Variants in CSMD3 observed in about 807,000 individuals in gnomAD.
CSMD3 encodes CUB and Sushi multiple domains 3.
A neutral mutation model predicts 435.2 loss-of-function variants in CSMD3; 177 were observed. The ratio of observed to expected loss-of-function variants is 0.41; its 90% CI spans 0.36 to 0.46. The LOEUF is 0.46. CSMD3 is among the 20% of genes least tolerant of loss of function. The probability of loss-of-function intolerance (pLI) is 0.34; values close to 1 mark genes in which losing one functional copy is unlikely to be tolerated. For missense variants in CSMD3, 4,265 were observed against 4,504.6 expected (o/e 0.95, Z 1.52); for synonymous variants, 1,656 against 1,520.5 (o/e 1.09, Z -2.07).
Position 113,104,268 on chromosome 8 carries a change from A to G in CSMD3, c.710-5305T>C, listed in dbSNP as rs1299768657. 2.0e-5 allele frequency among the ~76,000 whole-genome samples: 3 copies of G among 152,088 alleles called. No homozygotes were observed. In the East Asian group the frequency reaches 5.8e-4, roughly 29 times the overall value. ...AGCATTCAATTCAATTTCAAATTTT[A>G]TCATGGAACATTTTTTCTACAATTC... On this transcript the variant is annotated intron_variant, in intron 4 of 70. Transcript: ENST00000297405.
At chr8:113,428,256 CT>C (rs33921458) in intron 1 of CSMD3, among the ~76,000 whole-genome samples, 256 of 146,142 alleles carry the variant, frequency 1.8e-3, no homozygotes, top group African/African-American at 6.4e-3. Flanking sequence ...ATCTATCTAT[CT>C]ATCTTTCTGT....
chr8:113,247,726 G>T (rs998202048), intron 3 of CSMD3, among the ~76,000 whole-genome samples: 10 of 152,036 alleles, frequency 6.6e-5, no homozygotes, highest in African/African-American at 2.2e-4. Flanking sequence ...CCAGTTTAAA[G>T]ACAGATTCTT....
At chr8:112,880,482 G>A (rs1013305171) in intron 10 of CSMD3, among the ~76,000 whole-genome samples, 3 of 152,120 alleles carry the variant, frequency 2.0e-5, no homozygotes. Context: ...CATCCTGGTG[G>A]TGATGTCAGA....
intron 9 of CSMD3, among the ~76,000 whole-genome samples, chr8:112,934,251 C>G (rs1415740744): frequency 6.6e-6 from 1 of 152,134 alleles, no homozygotes; most frequent in East Asian, 1.9e-4. Context: ...GTTCCTGCAA[C>G]AAGTCTTAAT....
chr8:113,254,289 T>A (rs1011001634), intron 3 of CSMD3, among the ~76,000 whole-genome samples: 1 of 152,172 alleles, frequency 6.6e-6, no homozygotes, highest in East Asian at 1.9e-4. Context: ...GCCTAAAAAA[T>A]TGAGCTACAG....
At position 112,685,536 on chromosome 8, in the gene CSMD3, T is replaced by G; in HGVS notation, c.2352A>C (p.Glu784Asp). ...FLAVKDGDSP[E>D]SPILGTFTGA... ...CAGTAAAGGTTCCAAGAATTGGGGATTCTGGAGAGTCACCATCTTTAACAG... is the reference window on the plus strand; with the variant it reads ...CAGTAAAGGTTCCAAGAATTGGGGAGTCTGGAGAGTCACCATCTTTAACAG... The change falls in exon 15 of 71, where the codon GAA becomes GAC. Residue 784 changes from glutamate to aspartate, a missense_variant. Transcript: ENST00000297405. 6.2e-7 allele frequency: 1 copy of G among 1,613,956 alleles called. No homozygotes were observed. Among genetic ancestry groups the G allele is most frequent in the Non-Finnish European group, 8.5e-7 (1 of 1,179,886 alleles).
intron 3 of CSMD3, among the ~76,000 whole-genome samples, chr8:113,198,728 G>T (rs947617869): frequency 1.1e-4 from 16 of 151,068 alleles, no homozygotes; most frequent in Admixed American, 2.7e-4. Context: ...AAGAAGTAGA[G>T]GAAGTGTTAA....
At chr8:112,906,087 C>G (rs1354324568) in intron 10 of CSMD3, among the ~76,000 whole-genome samples, 1 of 151,352 alleles carries the variant, frequency 6.6e-6, no homozygotes, top group Non-Finnish European at 1.5e-5. Flanking sequence ...TCCAACCATG[C>G]TGGCATTCTG....
At position 113,029,149 on chromosome 8, in the gene CSMD3, T is replaced by A. The variant is rs2086986358; in HGVS notation, c.918-9970A>T. On this transcript the variant is annotated intron_variant, in intron 5 of 70. Coordinates refer to ENST00000297405, the MANE Select transcript of CSMD3 (RefSeq NM_198123.2). Reference sequence around the variant, plus strand: ...CATTCTAAATCTACACTGCCTGTACTCAAAAATAGTCCAGGACCATATGGA... The same window carrying A: ...CATTCTAAATCTACACTGCCTGTACACAAAAATAGTCCAGGACCATATGGA... Among the ~76,000 whole-genome samples the A allele has an allele frequency of 2.6e-5, 4 of 151,268 alleles. No homozygotes were observed. In the South Asian group the frequency reaches 8.3e-4, roughly 32 times the overall value.
chr8:112,425,604 A>T (rs953489660), intron 32 of CSMD3, among the ~76,000 whole-genome samples: 1 of 152,328 alleles, frequency 6.6e-6, no homozygotes, highest in African/African-American at 2.4e-5. Context: ...ATTCATATCC[A>T]GTGCCTCTTG....
chr8:113,336,612 C>G lies in CSMD3; in HGVS notation c.179-21819G>C, dbSNP rs2094076993. ...AGTGGAATGGGAAGGGGAGGATTAC[C>G]TCATTGCTGTCAGGTCGAAGAAGTC... On this transcript the variant is annotated intron_variant, in intron 1 of 70. Coordinates refer to ENST00000297405, the MANE Select transcript of CSMD3 (RefSeq NM_198123.2). 2.0e-5 allele frequency among the ~76,000 whole-genome samples: 3 copies of G among 152,126 alleles called. No homozygotes were observed. The South Asian group carries it at 6.2e-4, about 32-fold the overall frequency.
At chr8:112,888,747 T>C (rs2081687624) in intron 10 of CSMD3, among the ~76,000 whole-genome samples, 1 of 151,676 alleles carries the variant, frequency 6.6e-6, no homozygotes, top group Admixed American at 6.6e-5. Context: ...TGTTAGCGCC[T>C]GTGTAAAGGC....
chr8:112,943,632 G>A (rs567121038), intron 9 of CSMD3, among the ~76,000 whole-genome samples: 24 of 151,610 alleles, frequency 1.6e-4, no homozygotes, highest in African/African-American at 4.3e-4. Flanking sequence ...ATCTTTTGTC[G>A]GTGATTTTTA....
intron 29 of CSMD3, 41 bp from the exon 30 acceptor site, chr8:112,504,018 T>C (rs371162285): frequency 2.4e-5 from 31 of 1,274,530 alleles, no homozygotes; most frequent in East Asian, 2.1e-4. Context: ...GAAAGAGAAG[T>C]AGGATAATTA....
At chr8:113,116,625 C>T (rs1200359824) in intron 4 of CSMD3, among the ~76,000 whole-genome samples, 1 of 152,094 alleles carries the variant, frequency 6.6e-6, no homozygotes, top group African/African-American at 2.4e-5. Flanking sequence ...GATGCTGGAA[C>T]CACTTGGAGG....
chr8:112,330,065 A>C (rs1409075349), intron 45 of CSMD3, among the ~76,000 whole-genome samples: 9 of 152,086 alleles, frequency 5.9e-5, no homozygotes, highest in Admixed American at 5.9e-4. Context: ...TCAGGTCTTT[A>C]GGTTATGTGA....
chr8:112,518,683 G>C (rs1422882127), intron 27 of CSMD3, among the ~76,000 whole-genome samples: 1 of 149,714 alleles, frequency 6.7e-6, no homozygotes, highest in Non-Finnish European at 1.5e-5. Flanking sequence ...AATTTTTCTT[G>C]ATTTGCTCTG....
intron 47 of CSMD3, among the ~76,000 whole-genome samples, chr8:112,315,416 G>A (rs1822365929): frequency 6.6e-6 from 1 of 151,822 alleles, no homozygotes; most frequent in African/African-American, 2.4e-5. Flanking sequence ...TTTGGATTTA[G>A]AATGAAGAAT....
intron 32 of CSMD3, among the ~76,000 whole-genome samples, chr8:112,471,722 T>C (rs949359356): frequency 6.6e-6 from 1 of 152,192 alleles, no homozygotes; most frequent in Admixed American, 6.6e-5. Flanking sequence ...TATTCAGCTA[T>C]CTCTAATGAT....
Sources: gnomAD v4.1 joint callset for allele counts (sites outside exome capture counted in the v4.1 genomes callset) on GRCh38, gnomAD v4.1.1 for gene constraint, MANE v1.5 for transcripts, NCBI Gene and HGNC (gene_info 2026-07-23, HGNC 2026-07-21) for gene names.